Variants in NPNT observed in about 807,000 individuals in gnomAD.
The protein encoded by NPNT is preosteoblast EGF-like repeat protein with MAM domain.
A neutral mutation model predicts 68.6 loss-of-function variants in NPNT; 45 were observed. That is an observed-to-expected ratio of 0.66 (90% confidence interval 0.52 to 0.84). The LOEUF (loss-of-function observed/expected upper bound fraction) is 0.84. NPNT is among the 40% of genes least tolerant of loss of function. The pLI is 0.00. For synonymous variants in NPNT, 233 were observed against 253.3 expected (o/e 0.92, Z 0.76); for missense variants, 672 against 714.8 (o/e 0.94, Z 0.68).
intron 8 of NPNT, among the ~76,000 whole-genome samples, chr4:105,956,959 A>G (rs1731277165): frequency 6.6e-6 from 1 of 152,238 alleles, no homozygotes; most frequent in Non-Finnish European, 1.5e-5. Flanking sequence ...ACTTGTGCAA[A>G]CGTTCTGGGA....
intron 8 of NPNT, among the ~76,000 whole-genome samples, chr4:105,944,608 A>G (rs1730237614): frequency 6.6e-6 from 1 of 152,206 alleles, no homozygotes; most frequent in Admixed American, 6.5e-5. Context: ...AGTTCCAATG[A>G]TGTTTGGGAG....
intron 5 of NPNT, among the ~76,000 whole-genome samples, chr4:105,939,763 T>G (rs1293696822): frequency 1.3e-5 from 2 of 152,112 alleles, no homozygotes; most frequent in African/African-American, 4.8e-5. Flanking sequence ...CTTGATGATA[T>G]GGGAGTTAAA....
chr4:105,898,334 C>CTCTCTCTG (rs1726094661), intron 2 of NPNT, among the ~76,000 whole-genome samples: 3 of 100,124 alleles, frequency 3.0e-5, no homozygotes. Flanking sequence ...CTCTGTCTCT[C>CTCTCTCTG]TCTCTCTCTC....
In NPNT at chr4:105,912,368, C is replaced by T. The variant is rs28695307; in HGVS notation, c.172+14367C>T. ...TTTGAATTGCTTCTTTTTAGGAAAA[C>T]TATATTTCTTAGAGATGTGCTTATT... On this transcript the variant is annotated intron_variant, in intron 2 of 11. Coordinates refer to ENST00000379987, the MANE Select transcript of NPNT (RefSeq NM_001033047.3). 4,860 of 673,804 alleles carry T rather than the reference C, an allele frequency of 7.2e-3. 140 individuals are homozygous for T. Among genetic ancestry groups the T allele is most frequent in the African/African-American group, 0.067 (3,670 of 54,748 alleles). The allele number at this position is 673,804 out of a possible 1,614,324, so 41.7% of individuals were successfully genotyped here. A position where few individuals can be genotyped will look rare whatever the true frequency, so the allele number is the denominator to read the frequency against.
chr4:105,920,297 T>G (rs1422209243), intron 2 of NPNT, among the ~76,000 whole-genome samples: 2 of 151,198 alleles, frequency 1.3e-5, no homozygotes, highest in African/African-American at 4.9e-5. Flanking sequence ...CCCTCATTCC[T>G]TTTATTATTT....
intron 10 of NPNT, among the ~76,000 whole-genome samples, chr4:105,960,423 T>C (rs1301428386): frequency 1.3e-5 from 2 of 152,328 alleles, no homozygotes; most frequent in East Asian, 3.9e-4. Context: ...GCAGGCTCCC[T>C]GAAGATCTCT....
chr4:105,933,305 A>G (rs1729264483), intron 3 of NPNT, among the ~76,000 whole-genome samples: 4 of 152,174 alleles, frequency 2.6e-5, no homozygotes, highest in Admixed American at 6.5e-5. Context: ...CAAAAATATT[A>G]ATGTCTTCGT....
At chr4:105,927,120 T>TCAAG in intron 2 of NPNT, 1 of 311,692 alleles carries the variant, frequency 3.2e-6, no homozygotes, top group South Asian at 1.1e-4. Flanking sequence ...AAAATTTTTT[T>TCAAG]CAGCCCCAAC....
intron 2 of NPNT, among the ~76,000 whole-genome samples, chr4:105,898,378 C>CTCTCTCTCTCTCTG (rs1726123232): frequency 8.3e-6 from 1 of 121,072 alleles, no homozygotes; most frequent in Non-Finnish European, 1.7e-5. Flanking sequence ...CTCTCTCTCT[C>CTCTCTCTCTCTCTG]TCGCTGACTC....
chr4:105,941,080 T>A (rs562175197), intron 7 of NPNT, among the ~76,000 whole-genome samples: 19 of 152,288 alleles, frequency 1.2e-4, no homozygotes, highest in East Asian at 1.2e-3. Context: ...GGCTCATGCC[T>A]GTAATCCTAG....
At chr4:105,961,203 T>G (rs144838210) in intron 10 of NPNT, among the ~76,000 whole-genome samples, 1 of 152,248 alleles carries the variant, frequency 6.6e-6, no homozygotes, top group Non-Finnish European at 1.5e-5. Context: ...AGTCCAATAC[T>G]CAGAACATCT....
chr4:105,917,485 T>C (rs1727912761), intron 2 of NPNT, among the ~76,000 whole-genome samples: 1 of 152,174 alleles, frequency 6.6e-6, no homozygotes, highest in Non-Finnish European at 1.5e-5. Flanking sequence ...ACAGAGCAAG[T>C]ACTGTGTATT....
chr4:105,966,148 T>A (rs75349392), intron 10 of NPNT, among the ~76,000 whole-genome samples: 1 of 152,218 alleles, frequency 6.6e-6, no homozygotes, highest in Non-Finnish European at 1.5e-5. Flanking sequence ...TAGATACACA[T>A]GTTCAACATT....
intron 2 of NPNT, among the ~76,000 whole-genome samples, chr4:105,902,169 A>T (rs1578572219): frequency 6.6e-6 from 1 of 152,048 alleles, no homozygotes; most frequent in East Asian, 1.9e-4. Flanking sequence ...TATTTCTTTG[A>T]TTATTTGGAT....
chr4:105,903,089 T>A (rs1412756253), intron 2 of NPNT, among the ~76,000 whole-genome samples: 1 of 152,120 alleles, frequency 6.6e-6, no homozygotes, highest in Non-Finnish European at 1.5e-5. Context: ...TGCTTGAAGT[T>A]GCCCACGCAT....
intron 8 of NPNT, among the ~76,000 whole-genome samples, chr4:105,953,149 C>T (rs896101584): frequency 1.3e-5 from 2 of 152,238 alleles, no homozygotes; most frequent in East Asian, 1.9e-4. Context: ...CTGGGTGACA[C>T]AGCAAGACTC....
chr4:105,946,836 G>A (rs745343434), intron 8 of NPNT, among the ~76,000 whole-genome samples: 16 of 152,158 alleles, frequency 1.1e-4, no homozygotes, highest in African/African-American at 2.2e-4. Flanking sequence ...AGTGGTGCAC[G>A]TATTGTCTTG....
chr4:105,949,825 A>G (rs143788992), intron 8 of NPNT, among the ~76,000 whole-genome samples: 3 of 152,366 alleles, frequency 2.0e-5, no homozygotes, highest in East Asian at 3.9e-4. Flanking sequence ...CCAATTAGAT[A>G]TAAAATACAT....
chr4:105,949,503 C>T (rs142807162), intron 8 of NPNT, among the ~76,000 whole-genome samples: 1 of 152,174 alleles, frequency 6.6e-6, no homozygotes, highest in African/African-American at 2.4e-5. Context: ...AGAAAAGCAG[C>T]TATAAGTGGT....
Sources: gnomAD v4.1 joint callset for allele counts (sites outside exome capture counted in the v4.1 genomes callset) on GRCh38, gnomAD v4.1.1 for gene constraint, MANE v1.5 for transcripts, NCBI Gene and HGNC (gene_info 2026-07-23, HGNC 2026-07-21) for gene names.